Variants in CTNNA2 observed in about 807,000 individuals in gnomAD.
The protein encoded by CTNNA2 is catenin alpha-2.
Under a neutral mutation model 101.0 loss-of-function variants are expected in CTNNA2, and 42 were observed. The ratio of observed to expected loss-of-function variants is 0.42; its 90% CI spans 0.32 to 0.54. The LOEUF is 0.54. Ranked by LOEUF, CTNNA2 falls within the 20% of genes least tolerant of loss-of-function variation. CTNNA2 has a pLI of 0.14. For synonymous variants in CTNNA2, 450 were observed against 456.4 expected, an observed-to-expected ratio of 0.99 and a Z score of 0.18; for missense variants, 871 against 1,223.1, an observed-to-expected ratio of 0.71 and a Z score of 4.29.
chr2:79,726,936 A>T (rs1026507021), intron 2 of CTNNA2, among the ~76,000 whole-genome samples: 1 of 152,210 alleles, frequency 6.6e-6, no homozygotes, highest in African/African-American at 2.4e-5. Context: ...AGTCGGTTTT[A>T]AATAGTCTAA....
intron 7 of CTNNA2, among the ~76,000 whole-genome samples, chr2:80,347,272 C>G (rs866794910): frequency 2.0e-5 from 3 of 152,220 alleles, no homozygotes; most frequent in African/African-American, 4.8e-5. Flanking sequence ...CATGTGAACA[C>G]TTGGTCACTT....
intron 7 of CTNNA2, chr2:80,030,663 G>C (rs1292021457): frequency 6.6e-6 from 1 of 152,112 alleles, no homozygotes; most frequent in Non-Finnish European, 1.5e-5. Context: ...AATGAAGATG[G>C]CGATCTTTGA....
At chr2:80,533,004 G>A (rs1690675086) in intron 9 of CTNNA2, among the ~76,000 whole-genome samples, 1 of 152,112 alleles carries the variant, frequency 6.6e-6, no homozygotes, top group African/African-American at 2.4e-5. Flanking sequence ...CTTGAACGGG[G>A]AGCCATGGGA....
At chr2:79,967,116 ACG>A (rs1690127040) in intron 7 of CTNNA2, among the ~76,000 whole-genome samples, 1 of 39,560 alleles carries the variant, frequency 2.5e-5, no homozygotes, top group Non-Finnish European at 5.7e-5. Context: ...ACGCGCACGC[ACG>A]TGTGTGTGTG....
intron 11 of CTNNA2, among the ~76,000 whole-genome samples, chr2:80,551,721 C>T (rs1427949158): frequency 2.0e-5 from 3 of 152,100 alleles, no homozygotes; most frequent in African/African-American, 4.8e-5. Flanking sequence ...ATGCTGTGGC[C>T]GATATGATCT....
chr2:79,258,845 CAAAAA>C (rs869066159), intron 2 of CTNNA2, among the ~76,000 whole-genome samples: 13 of 91,400 alleles, frequency 1.4e-4, no homozygotes, highest in Non-Finnish European at 1.0e-4. Context: ...AATCCTCTAC[CAAAAA>C]AAAAAAAAAA....
intron 7 of CTNNA2, among the ~76,000 whole-genome samples, chr2:80,252,408 C>CT (rs1229138390): frequency 6.6e-6 from 1 of 152,154 alleles, no homozygotes; most frequent in Non-Finnish European, 1.5e-5. Flanking sequence ...GAGGTGTTAG[C>CT]TAGAATCTTT....
intron 18 of CTNNA2, among the ~76,000 whole-genome samples, chr2:80,646,685 CAG>C (rs1268046700): frequency 6.6e-6 from 1 of 151,868 alleles, no homozygotes; most frequent in Non-Finnish European, 1.5e-5. Context: ...TACTTAAAGA[CAG>C]AAAAAAGGTA....
intron 7 of CTNNA2, among the ~76,000 whole-genome samples, chr2:79,958,758 T>C (rs1689421380): frequency 6.7e-6 from 1 of 149,616 alleles, no homozygotes; most frequent in Admixed American, 6.8e-5. Context: ...ATACACTTTG[T>C]ATGAAACATT....
intron 7 of CTNNA2, among the ~76,000 whole-genome samples, chr2:80,224,800 G>T (rs1226000873): frequency 1.3e-5 from 2 of 151,824 alleles, no homozygotes; most frequent in Admixed American, 6.6e-5. Flanking sequence ...AAACTATTAG[G>T]CCCTCTTCAG....
chr2:80,529,084 C>G (rs574179458), intron 9 of CTNNA2, among the ~76,000 whole-genome samples: 5 of 152,288 alleles, frequency 3.3e-5, no homozygotes, highest in African/African-American at 9.6e-5. Context: ...ATTGGAGCAT[C>G]TGGGGCAACT....
intron 18 of CTNNA2, among the ~76,000 whole-genome samples, chr2:80,625,803 T>C (rs1362604761): frequency 1.3e-5 from 2 of 152,118 alleles, no homozygotes; most frequent in South Asian, 4.1e-4. Flanking sequence ...GCATCTGACT[T>C]CAAATGCTAG....
chr2:79,298,487 A>C lies in CTNNA2; in HGVS notation c.-405-14222A>C, dbSNP rs572448365. ...CTACAACATTTGCGCATCACCCCCC[A>C]AAAATCTGGGTTATTTGATGTCATT... On this transcript the variant is annotated intron_variant, in intron 2 of 21. Transcript: ENST00000466387. 2.0e-5 allele frequency among the ~76,000 whole-genome samples: 3 copies of C among 152,238 alleles called. No individual in the cohort carries two copies. The South Asian group carries it at 6.2e-4, about 32-fold the overall frequency.
intron 4 of CTNNA2, among the ~76,000 whole-genome samples, chr2:79,466,643 A>G (rs186451086): frequency 3.5e-4 from 53 of 152,324 alleles, no homozygotes; most frequent in Non-Finnish European, 8.8e-5. Flanking sequence ...GGGCAGACTG[A>G]CACCCCACAC....
chr2:79,404,155 A>G lies in CTNNA2; in HGVS notation c.-135+30142A>G, dbSNP rs577911389. On this transcript the variant is annotated intron_variant, in intron 4 of 21. Coordinates refer to the CTNNA2 transcript ENST00000466387. ...TTCTGAATAAATGTAAAAAAAAAAA[A>G]GGGCAATAGTGTACATTGGTAACAC... Among the ~76,000 whole-genome samples, 42 of 148,060 alleles carry G rather than the reference A, an allele frequency of 2.8e-4. No homozygotes were observed. The South Asian group carries it at 7.6e-3, about 27-fold the overall frequency.
chr2:79,803,542 TTG>T lies in CTNNA2; in HGVS notation c.299-54468_299-54467del, dbSNP rs201585997. On this transcript the variant is annotated intron_variant, in intron 3 of 18. Transcript: ENST00000402739. Reference sequence around the variant, plus strand: ...AGGCACAGATCGCTTATGCTGTTGTTTGTGGCTTAAGGATGCCTTTAAGCAGT... The same window carrying T: ...AGGCACAGATCGCTTATGCTGTTGTTTGGCTTAAGGATGCCTTTAAGCAGT... Among the ~76,000 whole-genome samples the T allele has an allele frequency of 6.0e-3, 909 of 152,372 alleles. 10 individuals carry two copies. The highest frequency in any genetic ancestry group is 0.021 in the African/African-American group (854 of 41,592).
intron 17 of CTNNA2, among the ~76,000 whole-genome samples, chr2:80,611,937 CA>C (rs1698498740): frequency 6.6e-6 from 1 of 151,464 alleles, no homozygotes; most frequent in South Asian, 2.1e-4. Context: ...AAAAATGGTA[CA>C]AATTTTAATA....
At chr2:80,330,436 A>C (rs1420200768) in intron 7 of CTNNA2, among the ~76,000 whole-genome samples, 2 of 152,172 alleles carry the variant, frequency 1.3e-5, no homozygotes, top group African/African-American at 4.8e-5. Context: ...CCTGGATCTG[A>C]AATTTGAATC....
At chr2:79,747,503 C>T (rs1385716531) in intron 3 of CTNNA2, among the ~76,000 whole-genome samples, 2 of 152,136 alleles carry the variant, frequency 1.3e-5, no homozygotes, top group Non-Finnish European at 2.9e-5. Flanking sequence ...TGATTGGCCC[C>T]GGGCCTCCTT....
Sources: allele counts gnomAD v4.1 joint callset (sites outside exome capture counted in the v4.1 genomes callset), GRCh38; gene constraint gnomAD v4.1.1; transcripts MANE v1.5; gene names NCBI Gene and HGNC (gene_info 2026-07-23, HGNC 2026-07-21).